Variants in DIAPH3 observed in about 807,000 individuals in gnomAD.
The protein encoded by DIAPH3 is protein diaphanous homolog 3.
In DIAPH3, 117 loss-of-function variants were observed where a neutral mutation model predicts 144.3. The observed-to-expected ratio is 0.81, with a 90% CI of 0.70 to 0.95. The LOEUF (loss-of-function observed/expected upper bound fraction) is 0.95. Ranked by LOEUF, DIAPH3 falls within the 40% of genes least tolerant of loss-of-function variation. The probability of loss-of-function intolerance (pLI) is 0.00; values close to 1 mark genes in which losing one functional copy is unlikely to be tolerated. For missense variants in DIAPH3, 1,421 were observed against 1,412.7 expected, an observed-to-expected ratio of 1.01 and a Z score of -0.09; for synonymous variants, 519 against 488.9, an observed-to-expected ratio of 1.06 and a Z score of -0.81.
At chr13:59,742,628 GA>G (rs1298806815) in intron 27 of DIAPH3, among the ~76,000 whole-genome samples, 1 of 146,254 alleles carries the variant, frequency 6.8e-6, no homozygotes, top group African/African-American at 2.5e-5. Context: ...AGAGAAAAAA[GA>G]GAAAGGAAAG....
chr13:59,794,123 T>C (rs2039464616), intron 25 of DIAPH3, among the ~76,000 whole-genome samples: 1 of 152,234 alleles, frequency 6.6e-6, no homozygotes, highest in South Asian at 2.1e-4. Context: ...TAGGCTACTA[T>C]AAGTGTTCTG....
chr13:59,908,634 A>ACTGATACT (rs2046853503), intron 20 of DIAPH3, among the ~76,000 whole-genome samples: 1 of 152,142 alleles, frequency 6.6e-6, no homozygotes, highest in Non-Finnish European at 1.5e-5. Context: ...TACTGTCTCA[A>ACTGATACT]GTTAGGGTAT....
chr13:59,930,430 T>C (rs926561437), intron 17 of DIAPH3, among the ~76,000 whole-genome samples: 1 of 152,114 alleles, frequency 6.6e-6, no homozygotes, highest in African/African-American at 2.4e-5. Flanking sequence ...CCTTTTGGGA[T>C]AAATACCTAA....
intron 22 of DIAPH3, among the ~76,000 whole-genome samples, chr13:59,859,887 T>C (rs549607924): frequency 6.6e-6 from 1 of 152,292 alleles, no homozygotes; most frequent in Non-Finnish European, 1.5e-5. Context: ...TATTAAAACA[T>C]CTATAACTAT....
chr13:59,950,638 C>T (rs968675209), intron 17 of DIAPH3, among the ~76,000 whole-genome samples: 28 of 152,048 alleles, frequency 1.8e-4, no homozygotes, highest in African/African-American at 6.8e-4. Flanking sequence ...GACACATAAG[C>T]CAAGAAATGA....
chr13:60,108,853 A>C (rs1235319753), intron 3 of DIAPH3, among the ~76,000 whole-genome samples: 1 of 152,110 alleles, frequency 6.6e-6, no homozygotes, highest in East Asian at 1.9e-4. Context: ...TAAGAAATTA[A>C]GAGTGAAGCA....
intron 22 of DIAPH3, among the ~76,000 whole-genome samples, chr13:59,856,466 A>G (rs1414129871): frequency 6.6e-6 from 1 of 152,160 alleles, no homozygotes; most frequent in African/African-American, 2.4e-5. Flanking sequence ...TCTGAGGGGC[A>G]TAAGGAAATG....
At position 60,056,329 on chromosome 13, in the gene DIAPH3, C is replaced by G. The variant is rs565832029; in HGVS notation, c.496-13509G>C. Among the ~76,000 whole-genome samples the G allele has an allele frequency of 1.8e-4, 27 of 151,308 alleles. 1 individual carries two copies. The South Asian group carries it at 5.6e-3, about 32-fold the overall frequency. ...CAGAGAAAGGAGAGTTGGAGGGATA[C>G]AGATACATAGACATAGATAGATGAA... On this transcript the variant is annotated intron_variant, in intron 4 of 27. Coordinates refer to ENST00000400324, the MANE Select transcript of DIAPH3 (RefSeq NM_001042517.2).
intron 1 of DIAPH3, among the ~76,000 whole-genome samples, chr13:60,154,526 C>T (rs1951935539): frequency 1.3e-5 from 2 of 152,114 alleles, no homozygotes; most frequent in Non-Finnish European, 2.9e-5. Context: ...GCAAGCATTT[C>T]CAAATAGATT....
chr13:59,988,292 C>A (rs1392204283), intron 12 of DIAPH3, among the ~76,000 whole-genome samples: 1 of 151,892 alleles, frequency 6.6e-6, no homozygotes, highest in Admixed American at 6.6e-5. Flanking sequence ...ACCACATTTA[C>A]ACGTGGTACA....
intron 17 of DIAPH3, among the ~76,000 whole-genome samples, chr13:59,928,947 G>T (rs897919477): frequency 6.6e-6 from 1 of 152,164 alleles, no homozygotes; most frequent in Non-Finnish European, 1.5e-5. Flanking sequence ...AGGTGGCGAG[G>T]TCGCTATTGG....
intron 2 of DIAPH3, among the ~76,000 whole-genome samples, chr13:60,126,423 A>T (rs948374062): frequency 2.0e-5 from 3 of 152,332 alleles, no homozygotes; most frequent in African/African-American, 7.2e-5. Context: ...TAAAGAAGTC[A>T]CAACAATCTT....
intron 1 of DIAPH3, among the ~76,000 whole-genome samples, chr13:60,158,906 TAAAAAA>T (rs71197285): frequency 1.3e-5 from 1 of 76,914 alleles, no homozygotes; most frequent in Non-Finnish European, 2.4e-5. Context: ...TGGCCCCTCT[TAAAAAA>T]AAAAAAAAAA....
intron 4 of DIAPH3, among the ~76,000 whole-genome samples, chr13:60,061,301 T>C (rs1363501033): frequency 6.6e-6 from 1 of 151,940 alleles, no homozygotes; most frequent in Non-Finnish European, 1.5e-5. Flanking sequence ...AACAAGAAAG[T>C]GAAATGTGCC....
chr13:59,786,440 T>A (rs1314973606), intron 25 of DIAPH3, among the ~76,000 whole-genome samples: 1 of 152,144 alleles, frequency 6.6e-6, no homozygotes, highest in Non-Finnish European at 1.5e-5. Flanking sequence ...TATAACAAAT[T>A]GTATCATATT....
At chr13:59,897,791 CT>C (rs1358044194) in intron 20 of DIAPH3, among the ~76,000 whole-genome samples, 1 of 150,486 alleles carries the variant, frequency 6.6e-6, no homozygotes, top group Non-Finnish European at 1.5e-5. Flanking sequence ...AAAGTGGGTG[CT>C]GAACTGGATC....
rs190693776 is a variant in DIAPH3 at position 60,135,531 on chromosome 13, C to T, written c.181-2542G>A. 7.9e-5 allele frequency among the ~76,000 whole-genome samples: 12 copies of T among 152,242 alleles called. No homozygotes were observed. In the East Asian group the frequency reaches 2.1e-3, roughly 27 times the overall value. ...GAAAAGAAGGTCAAATTCATCATTCCTTCTCTTCCAGAGAACACTTACCTA... is the reference window on the plus strand; with the variant it reads ...GAAAAGAAGGTCAAATTCATCATTCTTTCTCTTCCAGAGAACACTTACCTA... On this transcript the variant is annotated intron_variant, in intron 1 of 27. Transcript: ENST00000400324.
At chr13:59,804,766 T>A (rs1326229562) in intron 25 of DIAPH3, among the ~76,000 whole-genome samples, 1 of 152,180 alleles carries the variant, frequency 6.6e-6, no homozygotes, top group African/African-American at 2.4e-5. Context: ...ACTGAAAGCA[T>A]TACTGCACAA....
intron 27 of DIAPH3, among the ~76,000 whole-genome samples, chr13:59,671,919 A>G (rs1282026551): frequency 6.6e-6 from 1 of 152,170 alleles, no homozygotes; most frequent in Non-Finnish European, 1.5e-5. Flanking sequence ...TGGGTCCCAC[A>G]TGATCTTTGG....
Sources: gnomAD v4.1 joint callset for allele counts (sites outside exome capture counted in the v4.1 genomes callset) on GRCh38, gnomAD v4.1.1 for gene constraint, MANE v1.5 for transcripts, NCBI Gene and HGNC (gene_info 2026-07-23, HGNC 2026-07-21) for gene names.